PCDHGA4: variants seen among roughly 807,000 people sequenced by gnomAD.
The protein encoded by PCDHGA4 is protocadherin gamma-A4.
Under a neutral mutation model 54.6 loss-of-function variants are expected in PCDHGA4, and 38 were observed. That is an observed-to-expected ratio of 0.70 (90% CI 0.54 to 0.91). PCDHGA4 has a LOEUF of 0.91. Ranked by LOEUF, PCDHGA4 falls within the 40% of genes least tolerant of loss-of-function variation. The pLI, the probability that PCDHGA4 is intolerant of heterozygous loss-of-function variation, is 0.00. For missense variants in PCDHGA4, 1,298 were observed against 1,220.9 expected (o/e 1.06, Z -0.94); for synonymous variants, 511 against 512.9 (o/e 1.00, Z 0.05).
At chr5:141,395,550 G>T (rs1402921293) in intron 1 of PCDHGA4, 4 of 47,806 alleles carry the variant, frequency 8.4e-5, no homozygotes, top group South Asian at 8.8e-4. Flanking sequence ...GTTTGTGTGT[G>T]TGTGTGTGTG....
chr5:141,441,725 C>A, intron 1 of PCDHGA4: 1 of 352,450 alleles, frequency 2.8e-6, no homozygotes. Flanking sequence ...AGGCCCGCGA[C>A]CAGGACTAGC....
intron 1 of PCDHGA4, chr5:141,413,247 C>T (rs1168509242): frequency 1.2e-6 from 2 of 1,613,822 alleles, no homozygotes; most frequent in African/African-American, 2.7e-5. Flanking sequence ...GCCTTTTCTT[C>T]GGGATTCCAT....
intron 1 of PCDHGA4, chr5:141,415,738 AGGTTTTTT>A: frequency 1.9e-6 from 1 of 538,082 alleles, no homozygotes; most frequent in Non-Finnish European, 2.7e-6. Flanking sequence ...ATGTTTATTA[AGGTTTTTT>A]TTTTTTTTTT....
At chr5:141,423,533 T>C (rs2096751691) in intron 1 of PCDHGA4, 1 of 1,613,650 alleles carries the variant, frequency 6.2e-7, no homozygotes, top group Non-Finnish European at 8.5e-7. Flanking sequence ...AAGAGTCACC[T>C]GATTTTCCCC....
chr5:141,375,166 T>A (rs1179986488), intron 1 of PCDHGA4: 2 of 1,613,966 alleles, frequency 1.2e-6, no homozygotes, highest in East Asian at 2.2e-5. Flanking sequence ...AAAGTGCACC[T>A]CCAGGAACAG....
intron 1 of PCDHGA4, chr5:141,423,620 C>T: frequency 6.2e-7 from 1 of 1,608,268 alleles, no homozygotes; most frequent in Middle Eastern, 1.7e-4. Context: ...GCTGAAGACT[C>T]AGCTATCATT....
Position 141,399,846 on chromosome 5 carries a change from G to T in PCDHGA4, c.2514+42225G>T, listed in dbSNP as rs377634920. 19 of 1,612,980 alleles carry T rather than the reference G, an allele frequency of 1.2e-5. No homozygotes were observed. The highest frequency in any genetic ancestry group is 5.3e-5 in the African/African-American group (4 of 75,050). On this transcript the variant is annotated intron_variant, in intron 1 of 3. Transcript: ENST00000571252. ...CCGACGGCTCTGCGCTCTTCGATAT[G>T]GTGCCGCGCGCTGCAGAGCCCGGCT...
At chr5:141,362,071 G>T (rs1322302295) in intron 1 of PCDHGA4, 1 of 1,612,812 alleles carries the variant, frequency 6.2e-7, no homozygotes, top group African/African-American at 1.3e-5. Flanking sequence ...GCTGGTCGCT[G>T]TGCGTGATGG....
At chr5:141,442,452 CA>C (rs2098325918) in intron 1 of PCDHGA4, 1 of 152,226 alleles carries the variant, frequency 6.6e-6, no homozygotes, top group Admixed American at 6.5e-5. Flanking sequence ...GACTCAATAG[CA>C]GTTTCACTGC....
intron 1 of PCDHGA4, among the ~76,000 whole-genome samples, chr5:141,444,473 G>A (rs943971075): frequency 2.6e-5 from 4 of 151,972 alleles, no homozygotes; most frequent in Admixed American, 6.6e-5. Flanking sequence ...GCCCGGTCGC[G>A]TACTGGATTT....
At position 141,489,181 on chromosome 5, in the gene PCDHGA4, T is replaced by C; in HGVS notation, c.2515-5626T>C. The C allele has an allele frequency of 1.6e-6, 2 of 1,259,546 alleles. No homozygotes were observed. The highest frequency in any genetic ancestry group is 2.2e-6 in the Non-Finnish European group (2 of 905,040). The allele number at this position is 1,259,546 out of a possible 1,614,324, so 78.0% of individuals were successfully genotyped here. ...ACTTCAGCTGCTGCATTCCAAGCCC[T>C]GGGTCTACCTTGGAGACAGGACAGC... On this transcript the variant is annotated intron_variant, in intron 1 of 3. Transcript: ENST00000571252. This position sits in a 1 kb window ranked among gnomAD's most constrained non-coding sequence, Gnocchi z 4.5.
rs2154555227 is a variant in PCDHGA4, at chr5:141,432,737, C to G, written c.2515-62070C>G. ...GCCCCCTCTCTCCGCCACTGTCACG[C>G]TCACCGTGGCCGTGGCCGACAGCAT... On this transcript the variant is annotated intron_variant, in intron 1 of 3. Coordinates refer to ENST00000571252, the MANE Select transcript of PCDHGA4 (RefSeq NM_018917.4). This position sits in a 1 kb window ranked among gnomAD's most constrained non-coding sequence, Gnocchi z 6.0. 6.2e-7 allele frequency: 1 copy of G among 1,614,110 alleles called. No homozygotes were observed. The highest frequency in any genetic ancestry group is 8.5e-7 in the Non-Finnish European group (1 of 1,180,002).
At chr5:141,383,733 A>T (rs770047743) in intron 1 of PCDHGA4, 2 of 1,613,886 alleles carry the variant, frequency 1.2e-6, no homozygotes, top group African/African-American at 2.7e-5. Context: ...GGGAAGTGAC[A>T]TATTCTTTTC....
At chr5:141,366,801 C>T (rs1185271007) in intron 1 of PCDHGA4, 2 of 1,564,024 alleles carry the variant, frequency 1.3e-6, no homozygotes, top group African/African-American at 1.4e-5. Context: ...CATTTGTTTC[C>T]TTTTTCATGT....
In PCDHGA4 at chr5:141,356,994, A is replaced by G. The variant is rs1760422746; in HGVS notation, c.1887A>G (p.Ser629=). ...AAGTGGTGGCAGTGGACAGAGACTCAGGTCAGAATGCCTGGCTGTCCTACA... is the reference window on the plus strand; with the variant it reads ...AAGTGGTGGCAGTGGACAGAGACTCGGGTCAGAATGCCTGGCTGTCCTACA... The part of the protein sequence containing the change: ...VTKVVAVDRD[S]GQNAWLSYSL... Residue 629 remains serine, a synonymous_variant, in exon 1 of 4, where the codon TCA becomes TCG. Coordinates refer to ENST00000571252, the MANE Select transcript of PCDHGA4 (RefSeq NM_018917.4). The G allele has an allele frequency of 6.2e-7, 1 of 1,614,140 alleles. No homozygotes were observed. Among genetic ancestry groups the G allele is most frequent in the Admixed American group, 1.7e-5 (1 of 60,024 alleles).
intron 1 of PCDHGA4, chr5:141,418,428 A>G: frequency 6.2e-7 from 1 of 1,613,980 alleles, no homozygotes; most frequent in Non-Finnish European, 8.5e-7. Flanking sequence ...GATGGTGGCA[A>G]ATATCCAGAA....
intron 1 of PCDHGA4, chr5:141,478,167 G>A: frequency 6.2e-7 from 1 of 1,613,772 alleles, no homozygotes; most frequent in Non-Finnish European, 8.5e-7. Context: ...TCTGCCCCCC[G>A]GGAGCAGAAA....
intron 1 of PCDHGA4, chr5:141,393,144 G>T (rs745405842): frequency 1.2e-6 from 2 of 1,613,316 alleles, no homozygotes; most frequent in Non-Finnish European, 1.7e-6. Flanking sequence ...CACCCTGGTT[G>T]AGGATAAAGG....
intron 1 of PCDHGA4, among the ~76,000 whole-genome samples, chr5:141,464,404 T>G (rs1224596546): frequency 6.6e-6 from 1 of 151,532 alleles, no homozygotes; most frequent in African/African-American, 2.4e-5. Flanking sequence ...GAACCTGAGA[T>G]ATATATATAT....
Sources: allele counts gnomAD v4.1 joint callset (sites outside exome capture counted in the v4.1 genomes callset), GRCh38; gene constraint gnomAD v4.1.1; non-coding constraint Gnocchi (gnomAD v3.1); transcripts MANE v1.5; gene names NCBI Gene and HGNC (gene_info 2026-07-23, HGNC 2026-07-21).